THRB: variants seen among roughly 807,000 people sequenced by gnomAD.
The protein encoded by THRB is thyroid hormone receptor beta.
THRB carries 12 observed loss-of-function variants against 47.8 expected under a neutral mutation model. The ratio of observed to expected loss-of-function variants is 0.25; its 90% CI spans 0.16 to 0.41. The LOEUF (loss-of-function observed/expected upper bound fraction) is 0.41, where lower values mean the gene tolerates loss of function less well. Among genes scored for constraint, THRB ranks in the 10% least tolerant of loss-of-function variants. The pLI, the probability that THRB is intolerant of heterozygous loss-of-function variation, is 1.00. For missense variants in THRB, 348 were observed against 589.2 expected, an observed-to-expected ratio of 0.59 and a Z score of 4.24; for synonymous variants, 218 against 212.2, an observed-to-expected ratio of 1.03 and a Z score of -0.24.
intron 1 of THRB, among the ~76,000 whole-genome samples, chr3:24,388,463 T>A (rs1260350003): frequency 6.6e-6 from 1 of 152,198 alleles, no homozygotes; most frequent in Admixed American, 6.5e-5. Context: ...AATGGAATTT[T>A]AAGACAGCAC....
intron 5 of THRB, among the ~76,000 whole-genome samples, chr3:24,173,987 A>G (rs1227422074): frequency 1.3e-5 from 2 of 152,200 alleles, no homozygotes; most frequent in Non-Finnish European, 2.9e-5. Context: ...AAACATCACA[A>G]TAGTCCTACA....
chr3:24,204,407 C>G (rs772575747), intron 4 of THRB, among the ~76,000 whole-genome samples: 7 of 152,214 alleles, frequency 4.6e-5, no homozygotes, highest in African/African-American at 1.7e-4. Flanking sequence ...TAGAGTGGAC[C>G]TCTAGCAAAC....
At chr3:24,380,748 T>G (rs922543618) in intron 1 of THRB, among the ~76,000 whole-genome samples, 18 of 152,176 alleles carry the variant, frequency 1.2e-4, no homozygotes, top group African/African-American at 4.1e-4. Context: ...AGGTAGCAAT[T>G]ACTTCTTCCA....
Position 24,123,067 on chromosome 3 carries a change from C to A in THRB, c.1203G>T (p.Leu401=). Residue 401 remains leucine (L), a synonymous_variant, in exon 11 of 11, where the codon CTG becomes CTT. Transcript: ENST00000646209. ...GGTAATTGATATAGTGTTCAAAGGC[C>A]AGCAGGAAACTATCTTGGTACTTTT... ...RIEKYQDSFL[L]AFEHYINYRK... is the part of the protein sequence containing the mutation. 1 of 1,614,152 alleles carries A rather than the reference C, an allele frequency of 6.2e-7. No homozygotes were observed. Among genetic ancestry groups the A allele is most frequent in the Non-Finnish European group, 8.5e-7 (1 of 1,180,032 alleles).
At chr3:24,203,475 A>T (rs1198171531) in intron 4 of THRB, among the ~76,000 whole-genome samples, 1 of 152,186 alleles carries the variant, frequency 6.6e-6, no homozygotes, top group Non-Finnish European at 1.5e-5. Flanking sequence ...CCATGGAGCA[A>T]TAGTGTCTGA....
intron 2 of THRB, among the ~76,000 whole-genome samples, chr3:24,315,013 G>A (rs2058021809): frequency 6.6e-6 from 1 of 152,160 alleles, no homozygotes; most frequent in South Asian, 2.1e-4. Flanking sequence ...CGACGGAAAA[G>A]CTTGAAATTT....
In THRB at chr3:24,281,159, AG is replaced by A. The variant is rs1052651965; in HGVS notation, c.-43+16066del. Among the ~76,000 whole-genome samples the A allele has an allele frequency of 4.5e-4, 69 of 152,318 alleles. 1 individual carries two copies. The highest frequency in any genetic ancestry group is 1.6e-3 in the African/African-American group (68 of 41,574). ...GTCAGATTCACCAAAGCTGAAATGA[AG>A]GAAAAAATGTTAAGGGCAGCCAGAG... On this transcript the variant is annotated intron_variant, in intron 3 of 10. Coordinates refer to ENST00000646209, the MANE Select transcript of THRB (RefSeq NM_001354712.2).
intron 1 of THRB, among the ~76,000 whole-genome samples, chr3:24,451,927 A>C (rs372111267): frequency 8.5e-5 from 13 of 152,334 alleles, no homozygotes; most frequent in African/African-American, 2.9e-4. Context: ...GCAACAGATA[A>C]AAAAGCACTG....
At position 24,117,500 on chromosome 3, in the gene THRB, TG is replaced by T. The variant is rs779801589; in HGVS notation, c.*5383del. On this transcript the variant is annotated 3_prime_UTR_variant, in exon 11 of 11. Transcript: ENST00000646209. Reference sequence around the variant, plus strand: ...AGTGATTGGCTCAGGAATGGGCACATGACTGAACTTGGGCCAGTGAGAATTA... The same window carrying T: ...AGTGATTGGCTCAGGAATGGGCACATACTGAACTTGGGCCAGTGAGAATTA... 1.7e-4 allele frequency: 26 copies of T among 152,252 alleles called. No homozygotes were observed. Among genetic ancestry groups the T allele is most frequent in the Non-Finnish European group, 3.4e-4 (23 of 68,046 alleles). The allele number at this position is 152,252 out of a possible 1,614,324, so 9.4% of individuals were successfully genotyped here.
At chr3:24,251,352 A>G (rs2050649679) in intron 3 of THRB, among the ~76,000 whole-genome samples, 1 of 152,152 alleles carries the variant, frequency 6.6e-6, no homozygotes, top group South Asian at 2.1e-4. Flanking sequence ...TTATAGGACT[A>G]GAAAACATTT....
At chr3:24,401,064 A>G (rs1408084693) in intron 1 of THRB, among the ~76,000 whole-genome samples, 1 of 152,066 alleles carries the variant, frequency 6.6e-6, no homozygotes, top group Non-Finnish European at 1.5e-5. Context: ...ACCACCAATT[A>G]TCACATTCAT....
At chr3:24,260,391 G>GTGGATTT (rs2150482614) in intron 3 of THRB, among the ~76,000 whole-genome samples, 1 of 152,282 alleles carries the variant, frequency 6.6e-6, no homozygotes, top group South Asian at 2.1e-4. Context: ...GGGTTGCAGG[G>GTGGATTT]TGGATTTTGG....
chr3:24,327,395 T>C (rs1185022748), intron 2 of THRB, among the ~76,000 whole-genome samples: 2 of 152,168 alleles, frequency 1.3e-5, no homozygotes, highest in African/African-American at 4.8e-5. Context: ...GTTTAAATCA[T>C]TCATCAGTAG....
intron 2 of THRB, among the ~76,000 whole-genome samples, chr3:24,314,372 G>A (rs933955201): frequency 1.3e-5 from 2 of 152,156 alleles, no homozygotes; most frequent in African/African-American, 4.8e-5. Context: ...CTTAAATCAA[G>A]CCAAATCCTG....
chr3:24,376,606 G>C (rs2065310416), intron 1 of THRB, among the ~76,000 whole-genome samples: 1 of 151,828 alleles, frequency 6.6e-6, no homozygotes, highest in Admixed American at 6.6e-5. Flanking sequence ...CCAAGGAAAA[G>C]AGACGTTGCT....
intron 1 of THRB, among the ~76,000 whole-genome samples, chr3:24,397,622 A>C (rs1222782271): frequency 7.4e-6 from 1 of 135,480 alleles, no homozygotes. Context: ...TTTTTCTGAG[A>C]TAGAGTGTCA....
intron 3 of THRB, among the ~76,000 whole-genome samples, chr3:24,281,513 G>A (rs2054605412): frequency 6.6e-6 from 1 of 151,596 alleles, no homozygotes; most frequent in South Asian, 2.1e-4. Context: ...AGACTAGGAG[G>A]AAACCGCATC....
At chr3:24,238,577 A>G (rs1215611567) in intron 3 of THRB, among the ~76,000 whole-genome samples, 1 of 152,178 alleles carries the variant, frequency 6.6e-6, no homozygotes, top group Non-Finnish European at 1.5e-5. Context: ...GGATGGTGTC[A>G]TAAGAAAAGA....
chr3:24,361,377 G>A (rs1029052839), intron 1 of THRB, among the ~76,000 whole-genome samples: 13 of 152,092 alleles, frequency 8.5e-5, no homozygotes, highest in African/African-American at 2.9e-4. Flanking sequence ...ATAATACACA[G>A]CCCAAAATAG....
Sources: gnomAD v4.1 joint callset for allele counts (sites outside exome capture counted in the v4.1 genomes callset) on GRCh38, gnomAD v4.1.1 for gene constraint, MANE v1.5 for transcripts, NCBI Gene and HGNC (gene_info 2026-07-23, HGNC 2026-07-21) for gene names.